Variants in POLE observed in about 807,000 individuals in gnomAD.
POLE encodes DNA polymerase epsilon, catalytic subunit, also known as DNA polymerase epsilon catalytic subunit A.
A neutral mutation model predicts 279.2 loss-of-function variants in POLE; 188 were observed. The observed-to-expected ratio is 0.67, with a 90% CI of 0.60 to 0.76. The LOEUF is 0.76. Ranked by LOEUF, POLE falls within the 30% of genes least tolerant of loss-of-function variation. POLE has a pLI of 0.00. For synonymous variants in POLE, 1,214 were observed against 1,172.5 expected (o/e 1.04, Z -0.72); for missense variants, 2,703 against 3,016.7 (o/e 0.90, Z 2.44).
rs769146557 is a variant in POLE, at chr12:132,648,776, C to T, written c.4149+153G>A. On this transcript the variant is annotated intron_variant, in intron 32 of 48. Transcript: ENST00000320574. ...CCCGGCACTCGCTCTGCCCCAGGCT[C>T]GGTGCTCAGCGCTCACACACGTTGT... 1.0e-4 allele frequency: 79 copies of T among 783,242 alleles called. No homozygotes were observed. In the Admixed American group the frequency reaches 1.6e-3, roughly 16 times the overall value. 48.5% of individuals were successfully genotyped at this position (783,242 alleles called of 1,614,324 possible). A position where few individuals can be genotyped will look rare whatever the true frequency, so the allele number is the denominator to read the frequency against.
chr12:132,677,305 A>C, intron 8 of POLE, 58 bp downstream of exon 8: 1 of 1,229,064 alleles, frequency 8.1e-7, no homozygotes, highest in Non-Finnish European at 1.2e-6. Flanking sequence ...AGCACTGAAG[A>C]ATATTCTCTC....
Position 132,625,790 on chromosome 12 carries a change from G to C in POLE, c.6532-20C>G, listed in dbSNP as rs367726448. ...CCCATCCTAGGCAGAGCAAGAGTGC[G>C]AGAGGTCACCAGCCCAGCCTCCAGA... On this transcript the variant is annotated intron_variant, in intron 46 of 48. Transcript: ENST00000320574. The C allele has an allele frequency of 1.2e-6, 2 of 1,605,472 alleles. No individual in the cohort carries two copies. The highest frequency in any genetic ancestry group is 1.7e-6 in the Non-Finnish European group (2 of 1,178,874).
At chr12:132,665,222 G>C in intron 21 of POLE, 80 bp downstream of exon 21, 1 of 1,420,948 alleles carries the variant, frequency 7.0e-7, no homozygotes, top group Non-Finnish European at 9.8e-7. Flanking sequence ...TCCATGCACA[G>C]CAGCCTACAC....
intron 42 of POLE, 49 bp downstream of exon 42, chr12:132,635,843 G>A (rs2138483745): frequency 1.3e-6 from 2 of 1,573,034 alleles, no homozygotes; most frequent in Non-Finnish European, 1.7e-6. Context: ...CTGCAGGAAT[G>A]AACGCGACCC....
At chr12:132,657,054 GC>G in intron 29 of POLE, 81 bp downstream of exon 29, 1 of 1,451,826 alleles carries the variant, frequency 6.9e-7, no homozygotes. Flanking sequence ...CTTCACTACA[GC>G]ACACACAGCA....
At chr12:132,680,509 G>A (rs2043143789) in intron 3 of POLE, 98 bp downstream of exon 3, 2 of 932,330 alleles carry the variant, frequency 2.1e-6, no homozygotes, top group Admixed American at 1.8e-5. Flanking sequence ...GCTATGGGCT[G>A]CTGTGCACTG....
chr12:132,637,179 T>C (rs2042050978), intron 41 of POLE, among the ~76,000 whole-genome samples: 2 of 152,222 alleles, frequency 1.3e-5, no homozygotes, highest in African/African-American at 4.8e-5. Context: ...TTCAAATTAA[T>C]CCAGTGCATA....
intron 32 of POLE, among the ~76,000 whole-genome samples, chr12:132,646,112 C>T (rs1195730514): frequency 6.6e-6 from 1 of 152,146 alleles, no homozygotes; most frequent in Non-Finnish European, 1.5e-5. Context: ...ACTCAGGTGC[C>T]AGCTTGAAGG....
At chr12:132,679,180 A>G (rs866646474) in intron 6 of POLE, among the ~76,000 whole-genome samples, 4 of 152,168 alleles carry the variant, frequency 2.6e-5, no homozygotes, top group South Asian at 2.1e-4. Flanking sequence ...CACTTAATGA[A>G]ATTCATAGAT....
intron 26 of POLE, 47 bp from the exon 27 acceptor site, chr12:132,658,017 C>T: frequency 8.5e-7 from 1 of 1,177,892 alleles, no homozygotes; most frequent in South Asian, 1.2e-5. Flanking sequence ...TGAAAATCAC[C>T]CAAAATCTGA....
Position 132,679,649 on chromosome 12 carries a change from T to C in POLE, c.426A>G (p.Pro142=). 1 of 1,607,836 alleles carries C rather than the reference T, an allele frequency of 6.2e-7. No homozygotes were observed. The highest frequency in any genetic ancestry group is 1.3e-5 in the African/African-American group (1 of 74,940). Residue 142 remains proline, a splice_region_variant and synonymous_variant, in exon 6 of 49, where the codon CCA becomes CCG. Transcript: ENST00000320574. ...ETVPKEDLDL[P]NHLVGLKRNY... Reference sequence around the variant, plus strand: ...TTCGCTTCAAACCCACCAAGTGATTTGGCTATAATGCGAAGAGATCACGCT... The same window carrying C: ...TTCGCTTCAAACCCACCAAGTGATTCGGCTATAATGCGAAGAGATCACGCT...
Position 132,672,593 on chromosome 12 carries a change from T to C in POLE, c.1686+34A>G, listed in dbSNP as rs141232648. The C allele has an allele frequency of 3.6e-4, 581 of 1,599,512 alleles. 3 individuals carry two copies. The African/African-American group carries it at 7.1e-3, about 20-fold the overall frequency. On this transcript the variant is annotated intron_variant, in intron 15 of 48. Coordinates refer to ENST00000320574, the MANE Select transcript of POLE (RefSeq NM_006231.4). ...TCTGGGTCCTACCACAGCACAAGAG[T>C]GGGAAGAATCTGAATCCCAGGGAAG...
rs772611021 is a variant in POLE at position 132,634,354 on chromosome 12, C to T, written c.5836G>A (p.Ala1946Thr). The T allele has an allele frequency of 5.0e-6, 8 of 1,613,730 alleles. No homozygotes were observed. Among genetic ancestry groups the T allele is most frequent in the Non-Finnish European group, 6.8e-6 (8 of 1,179,710 alleles). Residue 1946 changes from alanine to threonine, a missense_variant, in exon 43 of 49, where the codon GCA becomes ACA. Coordinates refer to ENST00000320574, the MANE Select transcript of POLE (RefSeq NM_006231.4). This position sits in a 1 kb window ranked among gnomAD's most constrained non-coding sequence, Gnocchi z 4.0. ...GLQDSQKAGGAEDEQENEDDE... is the reference protein window; with the variant it reads ...GLQDSQKAGGTEDEQENEDDE... ...TCCTCATTTTCCTGCTCATCCTCTG[C>T]TCCCCCTGCTTTCTGGGAGTCTTGC...
intron 12 of POLE, among the ~76,000 whole-genome samples, chr12:132,674,948 C>G (rs888091081): frequency 6.6e-6 from 1 of 151,884 alleles, no homozygotes; most frequent in African/African-American, 2.4e-5. Context: ...ACCTGTCTTC[C>G]CAACCAGTCA....
At chr12:132,676,041 C>T (rs933554075) in intron 10 of POLE, 53 bp downstream of exon 10, 60 of 1,206,640 alleles carry the variant, frequency 5.0e-5, no homozygotes, top group Non-Finnish European at 6.5e-5. Flanking sequence ...GAAAGATCCA[C>T]ATGTCCGTTC....
rs2042625626 is a variant in POLE at position 132,659,280 on chromosome 12, G to GGGGGGAGCCCTCACCTCTCCGTGACA, written c.3264_3275+14dup. On this transcript the variant is annotated intron_variant, in intron 26 of 48. Coordinates refer to ENST00000320574, the MANE Select transcript of POLE (RefSeq NM_006231.4). ...GGAGGAGCCCTCACCTCTCCGTGAT[G>GGGGGGAGCCCTCACCTCTCCGTGACA]GGGGGAGCCCTCACCTCTCCGTGAC... is the stretch of plus-strand genomic sequence containing the variant. 6.2e-7 allele frequency: 1 copy of GGGGGGAGCCCTCACCTCTCCGTGACA among 1,609,198 alleles called. No homozygotes were observed. The highest frequency in any genetic ancestry group is 8.5e-7 in the Non-Finnish European group (1 of 1,177,452).
chr12:132,680,860 G>A (rs1181289730), intron 2 of POLE, among the ~76,000 whole-genome samples, 173 bp from the exon 3 acceptor site: 5 of 152,154 alleles, frequency 3.3e-5, no homozygotes, highest in South Asian at 2.1e-4. Context: ...ACACTGTAAC[G>A]GCCTCCAAAT....
intron 29 of POLE, 135 bp downstream of exon 29, chr12:132,657,001 G>C: frequency 1.1e-6 from 1 of 898,832 alleles, no homozygotes; most frequent in South Asian, 1.6e-5. Context: ...GTGCCAATGG[G>C]CACATTTTCA....
chr12:132,645,248 G>C (rs1341934882), intron 32 of POLE, among the ~76,000 whole-genome samples: 1 of 137,746 alleles, frequency 7.3e-6, no homozygotes, highest in Admixed American at 7.2e-5. Context: ...GAGCTGAAGA[G>C]GGGGCACCCT....
Sources: gnomAD v4.1 joint callset for allele counts (sites outside exome capture counted in the v4.1 genomes callset) on GRCh38, gnomAD v4.1.1 for gene constraint, Gnocchi (gnomAD v3.1) non-coding constraint, MANE v1.5 for transcripts, NCBI Gene and HGNC (gene_info 2026-07-23, HGNC 2026-07-21) for gene names.